ITPR1: variants seen among roughly 807,000 people sequenced by gnomAD.
ITPR1 encodes the protein inositol 1,4,5-trisphosphate-gated calcium channel ITPR1.
In ITPR1, 96 loss-of-function variants were observed where a neutral mutation model predicts 318.4. The ratio of observed to expected loss-of-function variants is 0.30; its 90% CI spans 0.26 to 0.36. The LOEUF (loss-of-function observed/expected upper bound fraction) is 0.36, where lower values mean the gene tolerates loss of function less well. Among genes scored for constraint, ITPR1 ranks in the 10% least tolerant of loss-of-function variants. The pLI is 1.00. For synonymous variants in ITPR1, 1,312 were observed against 1,289.9 expected (o/e 1.02, Z -0.37); for missense variants, 2,440 against 3,460.2 (o/e 0.71, Z 7.40).
chr3:4,840,217 C>A (rs577119239), intron 61 of ITPR1, among the ~76,000 whole-genome samples: 1 of 151,982 alleles, frequency 6.6e-6, no homozygotes, highest in Non-Finnish European at 1.5e-5. Context: ...GGTTTAAAAA[C>A]CCTTTATGTG....
intron 44 of ITPR1, among the ~76,000 whole-genome samples, chr3:4,760,368 T>C (rs765640482): frequency 6.6e-6 from 1 of 152,242 alleles, no homozygotes; most frequent in Non-Finnish European, 1.5e-5. Flanking sequence ...GTGGCCCCTC[T>C]ACAGAGTTCC....
At position 4,800,445 on chromosome 3, in the gene ITPR1, T is replaced by A. The variant is rs750896407; in HGVS notation, c.6952T>A (p.Ser2318Thr). 5 of 1,613,770 alleles carry A rather than the reference T, an allele frequency of 3.1e-6. No homozygotes were observed. The African/African-American group carries it at 6.7e-5, about 22-fold the overall frequency. The change falls in exon 54 of 62, where the codon TCG (serine) becomes ACG (threonine). Residue 2318 changes from serine (S) to threonine (T), a missense_variant. Around this residue, in one of 23 missense-constraint regions of ITPR1, gnomAD observed 126 missense variants for 150.8 expected, o/e 0.84. Coordinates refer to ENST00000649015, the MANE Select transcript of ITPR1 (RefSeq NM_001378452.1). ...TGCAGGAACCCTGGAGCCCCACTGG[T>A]CGGGACTCCTGTGGACAGCCATGCT... ...VRGGTLEPHW[S>T]GLLWTAMLIS...
At chr3:4,654,343 G>A (rs1022467865) in intron 12 of ITPR1, among the ~76,000 whole-genome samples, 7 of 152,198 alleles carry the variant, frequency 4.6e-5, no homozygotes, top group African/African-American at 1.4e-4. Context: ...CACCTGGCGT[G>A]TGATTAGATA....
chr3:4,817,968 T>C (rs2049418766), intron 59 of ITPR1, 114 bp from the exon 60 acceptor site: 3 of 789,040 alleles, frequency 3.8e-6, no homozygotes, highest in Admixed American at 3.0e-5. Flanking sequence ...TCCAACTCTT[T>C]ATAAAGACAG....
chr3:4,792,856 G>A (rs1453754151), intron 52 of ITPR1, among the ~76,000 whole-genome samples: 1 of 152,210 alleles, frequency 6.6e-6, no homozygotes, highest in Non-Finnish European at 1.5e-5. Context: ...AAATTAAGAT[G>A]TACCACTTGA....
At chr3:4,788,890 G>A (rs552197725) in intron 52 of ITPR1, among the ~76,000 whole-genome samples, 25 of 152,302 alleles carry the variant, frequency 1.6e-4, no homozygotes, top group East Asian at 5.8e-4. Context: ...TAGTTGTGAC[G>A]TGTTGAGCTC....
In ITPR1 at chr3:4,645,629, C is replaced by T; in HGVS notation, c.756C>T (p.Thr252=). 1 of 1,613,422 alleles carries T rather than the reference C, an allele frequency of 6.2e-7. No individual in the cohort carries two copies. Among genetic ancestry groups the T allele is most frequent in the Non-Finnish European group, 8.5e-7 (1 of 1,179,696 alleles). The change falls in exon 10 of 62, where the codon ACC becomes ACT. Residue 252 remains threonine, a synonymous_variant. Coordinates refer to ENST00000649015, the MANE Select transcript of ITPR1 (RefSeq NM_001378452.1). ...ATGCTGAGCAGGAGAAGTTTCTCAC[C>T]TGTGACGAACACAGGAAGAAGCAGC... ...LFHAEQEKFL[T]CDEHRKKQHV...
chr3:4,747,366 T>C (rs911521068), intron 44 of ITPR1, among the ~76,000 whole-genome samples: 1 of 152,162 alleles, frequency 6.6e-6, no homozygotes, highest in Non-Finnish European at 1.5e-5. Context: ...CTGGTAGTTG[T>C]TCCAGGGTTT....
At chr3:4,626,410 A>G (rs2092829877) in intron 4 of ITPR1, among the ~76,000 whole-genome samples, 1 of 152,244 alleles carries the variant, frequency 6.6e-6, no homozygotes, top group Non-Finnish European at 1.5e-5. Context: ...CAATATTTTA[A>G]GTGGTTTTAG....
At chr3:4,574,763 TC>T (rs1462829099) in intron 4 of ITPR1, among the ~76,000 whole-genome samples, 1 of 152,258 alleles carries the variant, frequency 6.6e-6, no homozygotes, top group Non-Finnish European at 1.5e-5. Flanking sequence ...AGTGATAATG[TC>T]ATGGGATTGG....
intron 44 of ITPR1, among the ~76,000 whole-genome samples, chr3:4,753,867 T>G (rs1209473781): frequency 6.6e-6 from 1 of 152,114 alleles, no homozygotes; most frequent in Non-Finnish European, 1.5e-5. Context: ...CAATAGAATC[T>G]CAAGTGGTTC....
At chr3:4,652,639 G>T (rs2093622125) in intron 11 of ITPR1, among the ~76,000 whole-genome samples, 1 of 152,124 alleles carries the variant, frequency 6.6e-6, no homozygotes, top group South Asian at 2.1e-4. Context: ...AAGAAATTTG[G>T]CTACTCAGAG....
chr3:4,839,948 A>G (rs1173022692), intron 61 of ITPR1, among the ~76,000 whole-genome samples: 1 of 151,178 alleles, frequency 6.6e-6, no homozygotes, highest in Non-Finnish European at 1.5e-5. Flanking sequence ...ATCCAGTAGT[A>G]CATTCTCAAG....
intron 24 of ITPR1, among the ~76,000 whole-genome samples, chr3:4,677,055 G>A (rs1207355709): frequency 1.3e-5 from 2 of 152,078 alleles, no homozygotes; most frequent in Non-Finnish European, 2.9e-5. Flanking sequence ...CATGATCATT[G>A]GCCTCCATGC....
chr3:4,511,566 C>T (rs304042), intron 2 of ITPR1, among the ~76,000 whole-genome samples: 141,081 of 152,340 alleles, frequency 0.93, 65,462 homozygotes, highest in East Asian at 1. Context: ...GCCTACTTCA[C>T]GCCAGATGCT....
chr3:4,681,624 A>AGTATGTGTGTGT (rs373511110), intron 26 of ITPR1, among the ~76,000 whole-genome samples: 9,508 of 145,834 alleles, frequency 0.065, 365 homozygotes, highest in South Asian at 0.088. Flanking sequence ...AGAGAGAGAA[A>AGTATGTGTGTGT]GTGTGTGTGT....
intron 5 of ITPR1, among the ~76,000 whole-genome samples, chr3:4,638,514 C>T (rs1484056584): frequency 6.6e-6 from 1 of 152,196 alleles, no homozygotes; most frequent in African/African-American, 2.4e-5. Context: ...TAGCATGTCA[C>T]ATTTGGAATG....
intron 4 of ITPR1, among the ~76,000 whole-genome samples, chr3:4,572,562 T>C (rs2088138096): frequency 6.6e-6 from 1 of 152,186 alleles, no homozygotes; most frequent in Admixed American, 6.5e-5. Flanking sequence ...TAATAGATAA[T>C]GTGAGTTTCA....
At chr3:4,613,181 T>C (rs1486830499) in intron 4 of ITPR1, among the ~76,000 whole-genome samples, 1 of 152,192 alleles carries the variant, frequency 6.6e-6, no homozygotes, top group African/African-American at 2.4e-5. Context: ...GCTTCCAGGT[T>C]AGGAGTAGAT....
Sources: allele counts gnomAD v4.1 joint callset (sites outside exome capture counted in the v4.1 genomes callset), GRCh38; gene constraint gnomAD v4.1.1; regional missense constraint gnomAD v4.1.1; transcripts MANE v1.5; gene names NCBI Gene and HGNC (gene_info 2026-07-23, HGNC 2026-07-21).